HMGCLL1: variants seen among roughly 807,000 people sequenced by gnomAD.
The protein encoded by HMGCLL1 is 3-hydroxymethyl-3-methylglutaryl-CoA lyase, cytoplasmic.
HMGCLL1 carries 36 observed loss-of-function variants against 39.1 expected under a neutral mutation model. The ratio of observed to expected loss-of-function variants is 0.92; its 90% CI spans 0.71 to 1.22. HMGCLL1 has a LOEUF of 1.22. Ranked by LOEUF, HMGCLL1 falls within the 50% of genes most tolerant of loss-of-function variation. HMGCLL1 has a pLI of 0.00. For missense variants in HMGCLL1, 451 were observed against 416.5 expected, an observed-to-expected ratio of 1.08 and a Z score of -0.72; for synonymous variants, 149 against 144.0, an observed-to-expected ratio of 1.03 and a Z score of -0.25.
At chr6:55,441,495 A>T (rs149986543) in intron 7 of HMGCLL1, among the ~76,000 whole-genome samples, 25 of 152,238 alleles carry the variant, frequency 1.6e-4, no homozygotes, top group African/African-American at 6.0e-4. Flanking sequence ...GCAAGTTTTT[A>T]TTAAAATCCA....
the HMGCLL1 span, among the ~76,000 whole-genome samples, chr6:55,632,914 A>G: frequency 6.6e-6 from 1 of 152,118 alleles, no homozygotes. Context: ...CTAGACCTAT[A>G]CATGAAGCAA....
chr6:55,654,355 TTAGATTAAAC>T, the HMGCLL1 span, among the ~76,000 whole-genome samples: 1 of 151,114 alleles, frequency 6.6e-6, no homozygotes, highest in African/African-American at 2.4e-5. Flanking sequence ...TAATTTATCA[TTAGATTAAAC>T]TTTCTGTTAT....
At chr6:55,455,242 C>T (rs1327494141) in intron 7 of HMGCLL1, among the ~76,000 whole-genome samples, 1 of 152,110 alleles carries the variant, frequency 6.6e-6, no homozygotes. Context: ...AAAGACCTTG[C>T]TAGCTTGAGA....
the HMGCLL1 span, among the ~76,000 whole-genome samples, chr6:55,657,950 T>C: frequency 1.3e-5 from 2 of 151,876 alleles, no homozygotes; most frequent in Non-Finnish European, 2.9e-5. Context: ...GAAAAATAAC[T>C]AATGGGTACT....
At chr6:55,641,624 G>T in the HMGCLL1 span, among the ~76,000 whole-genome samples, 1 of 151,772 alleles carries the variant, frequency 6.6e-6, no homozygotes, top group African/African-American at 2.4e-5. Context: ...AACACAACTG[G>T]AATAGAGAGT....
intron 3 of HMGCLL1, among the ~76,000 whole-genome samples, chr6:55,522,322 A>C (rs1424519839): frequency 2.0e-5 from 3 of 152,018 alleles, no homozygotes; most frequent in Non-Finnish European, 4.4e-5. Flanking sequence ...TTCAAAGTAT[A>C]CAATTCTTTC....
intron 3 of HMGCLL1, among the ~76,000 whole-genome samples, chr6:55,519,923 C>A (rs1329895975): frequency 6.6e-6 from 1 of 151,872 alleles, no homozygotes; most frequent in African/African-American, 2.4e-5. Context: ...TAACAAAAAT[C>A]TTGAGACAGT....
At chr6:55,543,948 A>G (rs1769801200) in intron 1 of HMGCLL1, among the ~76,000 whole-genome samples, 1 of 152,064 alleles carries the variant, frequency 6.6e-6, no homozygotes, top group South Asian at 2.1e-4. Flanking sequence ...CACCCTCTCT[A>G]CCTTGAACTT....
At chr6:55,532,242 T>A (rs973036704) in intron 3 of HMGCLL1, among the ~76,000 whole-genome samples, 1 of 152,190 alleles carries the variant, frequency 6.6e-6, no homozygotes, top group Admixed American at 6.5e-5. Flanking sequence ...AATCTTCGAG[T>A]ATAATACTTT....
intron 1 of HMGCLL1, among the ~76,000 whole-genome samples, chr6:55,551,704 T>C (rs1350966647): frequency 2.0e-5 from 3 of 152,008 alleles, no homozygotes; most frequent in Admixed American, 6.6e-5. Context: ...GATGTTATGA[T>C]TTTGGAGGAT....
At chr6:55,625,832 A>G in the HMGCLL1 span, among the ~76,000 whole-genome samples, 1 of 152,160 alleles carries the variant, frequency 6.6e-6, no homozygotes, top group South Asian at 2.1e-4. Context: ...AGATAATTGT[A>G]TCTCATGTGA....
chr6:55,668,992 C>T, the HMGCLL1 span, among the ~76,000 whole-genome samples: 1 of 151,506 alleles, frequency 6.6e-6, no homozygotes, highest in South Asian at 2.1e-4. Flanking sequence ...TTCTCCCTGT[C>T]CTCCTACCAC....
chr6:55,463,643 A>G (rs1328176786), intron 7 of HMGCLL1, among the ~76,000 whole-genome samples: 1 of 152,186 alleles, frequency 6.6e-6, no homozygotes, highest in Non-Finnish European at 1.5e-5. Flanking sequence ...AGACATTTAC[A>G]TATTTGAAAC....
chr6:55,614,637 T>C, the HMGCLL1 span, among the ~76,000 whole-genome samples: 2 of 152,266 alleles, frequency 1.3e-5, no homozygotes, highest in Non-Finnish European at 2.9e-5. Flanking sequence ...TAATTTAAGA[T>C]GTCAAGATAT....
the HMGCLL1 span, among the ~76,000 whole-genome samples, chr6:55,635,654 A>C: frequency 1.3e-5 from 2 of 152,164 alleles, no homozygotes; most frequent in African/African-American, 4.8e-5. Flanking sequence ...AAGGTGCTGC[A>C]TTATATTGAA....
the HMGCLL1 span, among the ~76,000 whole-genome samples, chr6:55,587,208 G>C: frequency 6.6e-6 from 1 of 152,054 alleles, no homozygotes; most frequent in African/African-American, 2.4e-5. Context: ...AAAAGTGTCT[G>C]TTCATATCCT....
intron 7 of HMGCLL1, among the ~76,000 whole-genome samples, chr6:55,452,138 C>G (rs1184932039): frequency 6.6e-6 from 1 of 152,098 alleles, no homozygotes; most frequent in African/African-American, 2.4e-5. Context: ...TTTGAGGACA[C>G]AAAAATAAAG....
At chr6:55,654,473 T>C in the HMGCLL1 span, among the ~76,000 whole-genome samples, 3 of 151,918 alleles carry the variant, frequency 2.0e-5, no homozygotes, top group African/African-American at 4.8e-5. Context: ...TGAGCATATA[T>C]CCACCATAAT....
chr6:55,442,179 C>T (rs1763627554), intron 7 of HMGCLL1, among the ~76,000 whole-genome samples: 1 of 152,068 alleles, frequency 6.6e-6, no homozygotes, highest in African/African-American at 2.4e-5. Flanking sequence ...ACTATAAAGT[C>T]TCCCCACAGT....
Sources: allele counts gnomAD v4.1 joint callset (sites outside exome capture counted in the v4.1 genomes callset), GRCh38; gene constraint gnomAD v4.1.1; transcripts MANE v1.5; gene names NCBI Gene and HGNC (gene_info 2026-07-23, HGNC 2026-07-21).